MRPS27: variants seen among roughly 807,000 people sequenced by gnomAD.
The protein encoded by MRPS27 is mitochondrial ribosomal protein S27.
Under a neutral mutation model 48.9 loss-of-function variants are expected in MRPS27, and 43 were observed. The observed-to-expected ratio is 0.88, with a 90% CI of 0.69 to 1.13. The LOEUF is 1.13. MRPS27 is among the 50% of genes most tolerant of loss of function. The pLI, the probability that MRPS27 is intolerant of heterozygous loss-of-function variation, is 0.00. For synonymous variants in MRPS27, 188 were observed against 171.9 expected, an observed-to-expected ratio of 1.09 and a Z score of -0.73; for missense variants, 467 against 476.3, an observed-to-expected ratio of 0.98 and a Z score of 0.18.
At chr5:72,255,406 T>C (rs1402502931) in intron 4 of MRPS27, among the ~76,000 whole-genome samples, 1 of 152,126 alleles carries the variant, frequency 6.6e-6, no homozygotes, top group Admixed American at 6.5e-5. Context: ...GAGATAAGAA[T>C]AGCAGAAGTG....
chr5:72,273,357 T>C (rs2112020947), intron 4 of MRPS27, among the ~76,000 whole-genome samples: 1 of 152,358 alleles, frequency 6.6e-6, no homozygotes, highest in East Asian at 1.9e-4. Context: ...TTCTGTGTGG[T>C]AAGAGAAGAT....
At position 72,221,657 on chromosome 5, in the gene MRPS27, T is replaced by C. The variant is rs1747744810; in HGVS notation, c.1006-509A>G. Among the ~76,000 whole-genome samples the C allele has an allele frequency of 2.0e-5, 3 of 152,234 alleles. No individual in the cohort carries two copies. In the South Asian group the frequency reaches 6.2e-4, roughly 31 times the overall value. ...CTGATAACTGGAGCAAGCCCAACCATACATGTGCCTTCGGAATAACTGAAA... is the reference window on the plus strand; with the variant it reads ...CTGATAACTGGAGCAAGCCCAACCACACATGTGCCTTCGGAATAACTGAAA... On this transcript the variant is annotated intron_variant, in intron 10 of 10. Transcript: ENST00000261413.
chr5:72,292,623 T>A (rs1348197205), intron 4 of MRPS27, among the ~76,000 whole-genome samples: 3 of 152,206 alleles, frequency 2.0e-5, no homozygotes, highest in Non-Finnish European at 4.4e-5. Flanking sequence ...CCTGATGCAA[T>A]GGCAGAAGCT....
At chr5:72,285,515 G>A (rs974627097) in intron 4 of MRPS27, among the ~76,000 whole-genome samples, 3 of 151,660 alleles carry the variant, frequency 2.0e-5, no homozygotes, top group African/African-American at 7.3e-5. Context: ...ATCTTTTTTT[G>A]GGAGGGGGAC....
At chr5:72,296,971 T>A (rs1479595249) in intron 3 of MRPS27, among the ~76,000 whole-genome samples, 1 of 152,146 alleles carries the variant, frequency 6.6e-6, no homozygotes, top group African/African-American at 2.4e-5. Context: ...AGCCCAGATA[T>A]ATTTGAAGCA....
chr5:72,226,000 C>T lies in MRPS27; in HGVS notation c.837+57G>A. 2.6e-6 allele frequency: 4 copies of T among 1,549,570 alleles called. 1 individual carries two copies. The South Asian group carries it at 4.8e-5, about 19-fold the overall frequency. Reference sequence around the variant, plus strand: ...AAAGACAATGAAAACAAATTTAAAGCTCAGGTTATGGGAAACAGATGGCTA... The same window carrying T: ...AAAGACAATGAAAACAAATTTAAAGTTCAGGTTATGGGAAACAGATGGCTA... On this transcript the variant is annotated intron_variant, in intron 9 of 10. Transcript: ENST00000261413.
chr5:72,297,781 T>C (rs1312471301), intron 2 of MRPS27, 79 bp from the exon 3 acceptor site: 11 of 768,062 alleles, frequency 1.4e-5, no homozygotes, highest in Non-Finnish European at 2.2e-5. Context: ...GCTGCCAACA[T>C]GAAGTATTAA....
chr5:72,228,827 GA>G (rs1747970044), intron 7 of MRPS27: 1 of 152,978 alleles, frequency 6.5e-6, no homozygotes, highest in Non-Finnish European at 1.5e-5. Context: ...ATTTAGCAAT[GA>G]TAAGACTCCT....
intron 4 of MRPS27, among the ~76,000 whole-genome samples, chr5:72,262,712 T>C (rs1749015696): frequency 6.6e-6 from 1 of 152,132 alleles, no homozygotes; most frequent in Non-Finnish European, 1.5e-5. Context: ...GAATGTATAC[T>C]GTGAAACTTC....
intron 4 of MRPS27, among the ~76,000 whole-genome samples, chr5:72,269,079 T>G (rs939059380): frequency 6.6e-6 from 1 of 152,224 alleles, no homozygotes; most frequent in Non-Finnish European, 1.5e-5. Flanking sequence ...GATTACATTA[T>G]TTGCAGGGTG....
chr5:72,237,650 G>C (rs1748234051), intron 5 of MRPS27, among the ~76,000 whole-genome samples: 1 of 151,954 alleles, frequency 6.6e-6, no homozygotes, highest in East Asian at 1.9e-4. Flanking sequence ...GAGGAGTCAG[G>C]GAACTCCAAA....
Position 72,220,988 on chromosome 5 carries a change from A to C in MRPS27, c.1166T>G (p.Leu389Trp), listed in dbSNP as rs201200107. ...LQQWHLDLVQ[L>W]IQREQQQREQ... Reference sequence around the variant, plus strand: ...CCTCTGTTGCTGTTCTCTCTGGATCAACTGTACAAGGTCTAGATGCCACTG... The same window carrying C: ...CCTCTGTTGCTGTTCTCTCTGGATCCACTGTACAAGGTCTAGATGCCACTG... The change falls in exon 11 of 11, where the codon TTG becomes TGG. Residue 389 changes from leucine to tryptophan, a missense_variant. Coordinates refer to ENST00000261413, the MANE Select transcript of MRPS27 (RefSeq NM_015084.3). The C allele has an allele frequency of 3.7e-6, 6 of 1,614,156 alleles. No individual in the cohort carries two copies. The East Asian group carries it at 1.3e-4, about 36-fold the overall frequency.
chr5:72,302,741 G>T (rs1178046178), intron 2 of MRPS27, among the ~76,000 whole-genome samples: 1 of 152,200 alleles, frequency 6.6e-6, no homozygotes, highest in Non-Finnish European at 1.5e-5. Flanking sequence ...CAGTGATGGA[G>T]AGCTTTAGTT....
intron 4 of MRPS27, among the ~76,000 whole-genome samples, chr5:72,240,752 G>T (rs147164881): frequency 1.8e-4 from 28 of 152,262 alleles, no homozygotes; most frequent in African/African-American, 6.5e-4. Context: ...AGCTTCTAAG[G>T]CTAACTTCAA....
chr5:72,220,064 G>A lies in MRPS27; in HGVS notation c.*845C>T, dbSNP rs1232216280. Reference sequence around the variant, plus strand: ...ATTTCTCCCAGTGCAGGTCCAGAAGGGCGAGATGTGGCAGAAAGGAGAATG... The same window carrying A: ...ATTTCTCCCAGTGCAGGTCCAGAAGAGCGAGATGTGGCAGAAAGGAGAATG... On this transcript the variant is annotated 3_prime_UTR_variant, in exon 11 of 11. Coordinates refer to ENST00000261413, the MANE Select transcript of MRPS27 (RefSeq NM_015084.3). 1 of 152,714 alleles carries A rather than the reference G, an allele frequency of 6.5e-6. No individual in the cohort carries two copies. The highest frequency in any genetic ancestry group is 1.9e-4 in the East Asian group (1 of 5,198). The allele number at this position is 152,714 out of a possible 1,614,324, so 9.5% of individuals were successfully genotyped here. A position where few individuals can be genotyped will look rare whatever the true frequency, so the allele number is the denominator to read the frequency against.
chr5:72,280,291 T>C (rs1444475068), intron 4 of MRPS27, among the ~76,000 whole-genome samples: 2 of 152,236 alleles, frequency 1.3e-5, no homozygotes, highest in African/African-American at 4.8e-5. Flanking sequence ...GCACTGAATT[T>C]ATAGATGAAA....
intron 2 of MRPS27, among the ~76,000 whole-genome samples, chr5:72,308,835 A>T (rs1253835703): frequency 1.3e-5 from 2 of 152,180 alleles, no homozygotes; most frequent in East Asian, 3.8e-4. Flanking sequence ...CCAAAACATT[A>T]TTTCACCTCA....
intron 4 of MRPS27, among the ~76,000 whole-genome samples, chr5:72,285,208 C>A (rs754887988): frequency 6.6e-6 from 1 of 152,152 alleles, no homozygotes; most frequent in Non-Finnish European, 1.5e-5. Flanking sequence ...AAGGCAGTTT[C>A]CATAAAGCTA....
chr5:72,273,217 C>T (rs1749291255), intron 4 of MRPS27, among the ~76,000 whole-genome samples: 1 of 152,140 alleles, frequency 6.6e-6, no homozygotes, highest in African/African-American at 2.4e-5. Context: ...ATAAGCCTAT[C>T]CTTCTTGCCA....
Sources: gnomAD v4.1 joint callset for allele counts (sites outside exome capture counted in the v4.1 genomes callset) on GRCh38, gnomAD v4.1.1 for gene constraint, MANE v1.5 for transcripts, NCBI Gene and HGNC (gene_info 2026-07-23, HGNC 2026-07-21) for gene names.